The following ANO10 variants were observed in gnomAD, a reference collection of about 807,000 sequenced individuals.
The protein encoded by ANO10 is anoctamin-10.
In ANO10, 77 loss-of-function variants were observed where a neutral mutation model predicts 74.7. That is an observed-to-expected ratio of 1.03 (90% CI 0.86 to 1.25). The LOEUF (loss-of-function observed/expected upper bound fraction) is 1.25. Ranked by LOEUF, ANO10 falls within the 50% of genes most tolerant of loss-of-function variation. The pLI, the probability that ANO10 is intolerant of heterozygous loss-of-function variation, is 0.00. For synonymous variants in ANO10, 279 were observed against 284.9 expected (o/e 0.98, Z 0.21); for missense variants, 721 against 778.1 (o/e 0.93, Z 0.87).
chr3:43,547,372 T>A (rs1316978298), intron 11 of ANO10, among the ~76,000 whole-genome samples: 6 of 152,190 alleles, frequency 3.9e-5, no homozygotes, highest in Admixed American at 2.0e-4. Flanking sequence ...CTATTATAGA[T>A]GGCTTAAAAC....
chr3:43,524,169 T>G (rs938128188), intron 11 of ANO10, among the ~76,000 whole-genome samples: 1 of 115,340 alleles, frequency 8.7e-6, no homozygotes, highest in Non-Finnish European at 2.0e-5. Context: ...AGGAAGAAGC[T>G]CAGGAACAGG....
Position 43,444,899 on chromosome 3 carries a change from G to A in ANO10, c.1798-12172C>T, listed in dbSNP as rs189138274. Among the ~76,000 whole-genome samples, 14 of 152,074 alleles carry A rather than the reference G, an allele frequency of 9.2e-5. No homozygotes were observed. In the East Asian group the frequency reaches 9.7e-4, roughly 10 times the overall value. On this transcript the variant is annotated intron_variant, in intron 11 of 12. Transcript: ENST00000292246. The stretch of plus-strand genomic sequence containing the variant: ...GAGATGCTGGGAGGCCAAGGCGGGC[G>A]GATCACTAGGTCAGGAGATCGAGAC...
chr3:43,579,523 G>A (rs1053402124), intron 5 of ANO10, among the ~76,000 whole-genome samples: 1 of 152,128 alleles, frequency 6.6e-6, no homozygotes, highest in East Asian at 1.9e-4. Flanking sequence ...TTCGAAACTA[G>A]CCTGGCCAAC....
In ANO10 at chr3:43,572,411, G is replaced by A. The variant is rs145838750; in HGVS notation, c.1218+2398C>T. ...CAAAAGTAAGTGGGGCAGATGGGTG[G>A]CACTGGCAAGGGGGCCCCTGCCACA... On this transcript the variant is annotated intron_variant, in intron 7 of 12. Transcript: ENST00000292246. Among the ~76,000 whole-genome samples, 352 of 152,278 alleles carry A rather than the reference G, an allele frequency of 2.3e-3. 2 individuals carry two copies. Among genetic ancestry groups the A allele is most frequent in the African/African-American group, 8.1e-3 (338 of 41,562 alleles).
chr3:43,640,044 C>T (rs1184576651), intron 1 of ANO10, among the ~76,000 whole-genome samples: 2 of 152,126 alleles, frequency 1.3e-5, no homozygotes, highest in African/African-American at 2.4e-5. Context: ...AGGAAGAGGA[C>T]ACAGAGTAGG....
chr3:43,494,216 G>C (rs1389333059), intron 11 of ANO10, among the ~76,000 whole-genome samples: 4 of 152,188 alleles, frequency 2.6e-5, no homozygotes, highest in Admixed American at 1.3e-4. Flanking sequence ...CACTTTGGGA[G>C]GCTGAGGCAG....
Position 43,658,455 on chromosome 3 carries a change from A to ATATTATTAT in ANO10, c.-12+33053_-12+33061dup, listed in dbSNP as rs555639307. Among the ~76,000 whole-genome samples, 91 of 150,846 alleles carry ATATTATTAT rather than the reference A, an allele frequency of 6.0e-4. 1 individual carries two copies. The highest frequency in any genetic ancestry group is 2.1e-3 in the African/African-American group (86 of 41,176). On this transcript the variant is annotated intron_variant, in intron 1 of 3. Coordinates refer to the ANO10 transcript ENST00000413397. ...TGAAAGAAGCCAGACACCAAAGTTT[A>ATATTATTAT]TATTATTATTATTATTATTATTATT...
chr3:43,616,197 G>A (rs2083095837), intron 1 of ANO10, among the ~76,000 whole-genome samples: 1 of 152,074 alleles, frequency 6.6e-6, no homozygotes, highest in African/African-American at 2.4e-5. Flanking sequence ...TCTTTAAGAG[G>A]GGAAGGAATC....
At chr3:43,677,445 G>A (rs114375655) in intron 1 of ANO10, among the ~76,000 whole-genome samples, 1 of 152,180 alleles carries the variant, frequency 6.6e-6, no homozygotes. Flanking sequence ...TGAAATAGTG[G>A]CATTACACAT....
chr3:43,623,925 T>C (rs2083469899), upstream of ANO10, among the ~76,000 whole-genome samples: 1 of 152,206 alleles, frequency 6.6e-6, no homozygotes, highest in Non-Finnish European at 1.5e-5. Flanking sequence ...TAGACTTTTG[T>C]TTTTAAATTG....
chr3:43,683,267 A>G (rs955330311), intron 1 of ANO10, among the ~76,000 whole-genome samples: 1 of 152,242 alleles, frequency 6.6e-6, no homozygotes, highest in South Asian at 2.1e-4. Context: ...AAAAATCACA[A>G]GCAATCTTAT....
intron 7 of ANO10, among the ~76,000 whole-genome samples, chr3:43,570,048 C>T (rs1294452816): frequency 1.4e-5 from 2 of 146,830 alleles, no homozygotes; most frequent in Non-Finnish European, 1.5e-5. Context: ...CAACAACAGA[C>T]AGAGAGCCAA....
At chr3:43,603,897 G>A (rs1019241997) in intron 2 of ANO10, among the ~76,000 whole-genome samples, 4 of 152,166 alleles carry the variant, frequency 2.6e-5, no homozygotes. Flanking sequence ...ACTGAATTAG[G>A]TATGTGAGTG....
chr3:43,499,439 AG>A (rs2077023302), intron 11 of ANO10, among the ~76,000 whole-genome samples: 1 of 152,186 alleles, frequency 6.6e-6, no homozygotes, highest in South Asian at 2.1e-4. Flanking sequence ...TGAGCATCAA[AG>A]GAAGTATAGG....
chr3:43,582,668 T>A (rs908803403), intron 4 of ANO10, among the ~76,000 whole-genome samples: 4 of 152,200 alleles, frequency 2.6e-5, no homozygotes, highest in Non-Finnish European at 5.9e-5. Flanking sequence ...ACAATTATAT[T>A]TTCATAAGTT....
chr3:43,667,937 T>A (rs913365267), intron 1 of ANO10, among the ~76,000 whole-genome samples: 1 of 152,196 alleles, frequency 6.6e-6, no homozygotes, highest in African/African-American at 2.4e-5. Flanking sequence ...TGACTTATTT[T>A]CCTTTGGGTA....
chr3:43,517,313 C>T (rs1055125292), intron 11 of ANO10, among the ~76,000 whole-genome samples: 3 of 152,072 alleles, frequency 2.0e-5, no homozygotes, highest in African/African-American at 7.2e-5. Flanking sequence ...ACCTACAGTG[C>T]TGCTTGAACT....
intron 7 of ANO10, among the ~76,000 whole-genome samples, chr3:43,568,247 C>T (rs1298510826): frequency 1.3e-5 from 2 of 152,130 alleles, no homozygotes; most frequent in Non-Finnish European, 2.9e-5. Flanking sequence ...GAGACTTTAA[C>T]ACCCTACTGT....
upstream of ANO10, among the ~76,000 whole-genome samples, chr3:43,624,803 G>A (rs574497859): frequency 6.6e-5 from 10 of 152,260 alleles, no homozygotes; most frequent in East Asian, 1.9e-3. Flanking sequence ...TAGGACAGGC[G>A]GAGATTTCAT....
Sources: allele counts gnomAD v4.1 joint callset (sites outside exome capture counted in the v4.1 genomes callset), GRCh38; gene constraint gnomAD v4.1.1; transcripts MANE v1.5; gene names NCBI Gene and HGNC (gene_info 2026-07-23, HGNC 2026-07-21).